The following SORL1 variants were observed in gnomAD, a reference collection of about 807,000 sequenced individuals.
The protein encoded by SORL1 is sortilin related receptor 1.
Under a neutral mutation model 273.7 loss-of-function variants are expected in SORL1, and 127 were observed. That is an observed-to-expected ratio of 0.46 (90% CI 0.40 to 0.54). The LOEUF is 0.54. Among genes scored for constraint, SORL1 ranks in the 20% least tolerant of loss-of-function variants. SORL1 has a pLI of 0.00. For missense variants in SORL1, 2,494 were observed against 2,846.1 expected, an observed-to-expected ratio of 0.88 and a Z score of 2.81; for synonymous variants, 1,031 against 1,067.4, an observed-to-expected ratio of 0.97 and a Z score of 0.66.
At position 121,568,650 on chromosome 11, in the gene SORL1, A is replaced by G. The variant is rs374787288; in HGVS notation, c.3224-1507A>G. On this transcript the variant is annotated intron_variant, in intron 22 of 47. Coordinates refer to ENST00000260197, the MANE Select transcript of SORL1 (RefSeq NM_003105.6). Reference sequence around the variant, plus strand: ...TATATATAACTATGTATATAAAAACATACCTATAGATATATTGAATCTGTA... The same window carrying G: ...TATATATAACTATGTATATAAAAACGTACCTATAGATATATTGAATCTGTA... Among the ~76,000 whole-genome samples, 12 of 152,370 alleles carry G rather than the reference A, an allele frequency of 7.9e-5. No individual in the cohort carries two copies. In the South Asian group the frequency reaches 1.2e-3, roughly 16 times the overall value.
Position 121,606,919 on chromosome 11 carries a change from C to T in SORL1, c.5023C>T (p.Pro1675Ser), listed in dbSNP as rs200758028. The change falls in exon 36 of 48, where the codon CCT (proline) becomes TCT (serine). Residue 1675 changes from proline (P) to serine (S), a missense_variant. Pro to Ser is a moderately conservative substitution (Grantham distance 74, BLOSUM62 -1). Around this residue, in one of 3 missense-constraint regions of SORL1, gnomAD observed 1,609 missense variants for 1,816.4 expected, o/e 0.89. Transcript: ENST00000260197. The part of the protein sequence containing the change: ...AEGVIVGHWA[P>S]PIHTHGLIRE... ...AGGTGTGATTGTAGGCCACTGGGCTCCTCCCATCCACACCCATGGCCTCAT... is the reference window on the plus strand; with the variant it reads ...AGGTGTGATTGTAGGCCACTGGGCTTCTCCCATCCACACCCATGGCCTCAT... 251 of 1,614,074 alleles carry T rather than the reference C, an allele frequency of 1.6e-4. No individual in the cohort carries two copies. Among genetic ancestry groups the T allele is most frequent in the Non-Finnish European group, 2.0e-4 (237 of 1,179,942 alleles).
intron 21 of SORL1, among the ~76,000 whole-genome samples, chr11:121,562,543 C>T (rs1445604654): frequency 6.6e-6 from 1 of 152,232 alleles, no homozygotes; most frequent in Non-Finnish European, 1.5e-5. Context: ...CTTTGTCCAG[C>T]GTCTCATGCT....
chr11:121,507,001 A>G (rs537409708), intron 6 of SORL1, among the ~76,000 whole-genome samples: 2 of 152,200 alleles, frequency 1.3e-5, no homozygotes, highest in African/African-American at 2.4e-5. Flanking sequence ...TTTGGGGATT[A>G]CAATAAATAT....
intron 1 of SORL1, among the ~76,000 whole-genome samples, chr11:121,465,938 AC>A (rs947734846): frequency 2.0e-5 from 3 of 150,318 alleles, no homozygotes; most frequent in African/African-American, 7.4e-5. Context: ...GGGGCATGGG[AC>A]CCCCCTAGGC....
At chr11:121,598,934 T>A (rs1386704184) in intron 32 of SORL1, among the ~76,000 whole-genome samples, 1 of 152,242 alleles carries the variant, frequency 6.6e-6, no homozygotes, top group East Asian at 1.9e-4. Context: ...AGGAATTGGA[T>A]AAGTTGCTAC....
Position 121,604,215 on chromosome 11 carries a change from C to CATGA in SORL1, c.4543_4546dup (p.Ser1516AsnfsTer32). 1 of 1,614,164 alleles carries CATGA rather than the reference C, an allele frequency of 6.2e-7. No individual in the cohort carries two copies. Among genetic ancestry groups the CATGA allele is most frequent in the Non-Finnish European group, 8.5e-7 (1 of 1,180,030 alleles). On this transcript the variant is annotated frameshift_variant, in exon 33 of 48. Coordinates refer to ENST00000260197, the MANE Select transcript of SORL1 (RefSeq NM_003105.6). LOFTEE classifies it high-confidence loss of function. ...CAGCCACACACAGCACCTTGACTTG[C>CATGA]ATGAGCAGGGAGTTCCAGTGCGAGG...
chr11:121,481,176 T>C (rs1591556671), intron 3 of SORL1, among the ~76,000 whole-genome samples: 1 of 120,828 alleles, frequency 8.3e-6, no homozygotes, highest in South Asian at 2.8e-4. Flanking sequence ...CAGATACCTA[T>C]AGGCAGGCTC....
intron 1 of SORL1, among the ~76,000 whole-genome samples, chr11:121,459,755 C>T (rs952772204): frequency 2.0e-5 from 3 of 152,224 alleles, no homozygotes; most frequent in Admixed American, 1.3e-4. Flanking sequence ...CCCTGCCCTG[C>T]CCTTTGCTTC....
intron 27 of SORL1, among the ~76,000 whole-genome samples, chr11:121,586,844 C>A (rs1030795348): frequency 1.3e-5 from 2 of 152,028 alleles, no homozygotes; most frequent in Non-Finnish European, 2.9e-5. Flanking sequence ...CCACCTGGTG[C>A]CTGGACCTTA....
At chr11:121,599,452 G>C (rs1863352758) in intron 32 of SORL1, among the ~76,000 whole-genome samples, 1 of 152,214 alleles carries the variant, frequency 6.6e-6, no homozygotes, top group Non-Finnish European at 1.5e-5. Flanking sequence ...GCTGAGGCAG[G>C]AGAATTGCTT....
chr11:121,595,653 A>G lies in SORL1; in HGVS notation c.4400A>G (p.Gln1467Arg). 1 of 1,611,382 alleles carries G rather than the reference A, an allele frequency of 6.2e-7. No homozygotes were observed. Among genetic ancestry groups the G allele is most frequent in the Non-Finnish European group, 8.5e-7 (1 of 1,178,758 alleles). ...ANVTAASTPT[Q>R]LGRCDRFEFE... is the part of the protein sequence containing the mutation. ...GTCACTGCTGCCTCCACTCCCACCC[A>G]ACTTGGGCGATGTGACCGATTTGAG... is the stretch of plus-strand genomic sequence containing the variant. Residue 1467 changes from glutamine to arginine, a missense_variant, in exon 32 of 48, where the codon CAA (glutamine) becomes CGA (arginine). By Grantham distance (43) the Gln-to-Arg change is conservative. This residue lies in a region of SORL1 where 1,609 missense variants were observed against 1,816.4 expected (regional missense o/e 0.89). Coordinates refer to ENST00000260197, the MANE Select transcript of SORL1 (RefSeq NM_003105.6). This position sits in a 1 kb window ranked among gnomAD's most constrained non-coding sequence, Gnocchi z 5.1.
At chr11:121,515,805 C>CAGGCCAGCCA (rs1565321349) in intron 8 of SORL1, among the ~76,000 whole-genome samples, 1 of 152,076 alleles carries the variant, frequency 6.6e-6, no homozygotes, top group South Asian at 2.1e-4. Context: ...GTGTGCACCA[C>CAGGCCAGCCA]CAGGCCAGGC....
chr11:121,632,330 T>G lies in SORL1; in HGVS notation c.*2767T>G, dbSNP rs373142747. 2.6e-5 allele frequency: 4 copies of G among 152,150 alleles called. No individual in the cohort carries two copies. Among genetic ancestry groups the G allele is most frequent in the Admixed American group, 6.5e-5 (1 of 15,282 alleles). The allele number at this position is 152,150 out of a possible 1,614,324, so 9.4% of individuals were successfully genotyped here. On this transcript the variant is annotated 3_prime_UTR_variant, in exon 48 of 48. Coordinates refer to ENST00000260197, the MANE Select transcript of SORL1 (RefSeq NM_003105.6). ...GATACGAGTCCACATGGATAAAATGTTAGAGAGTGGAGTTCTACAGAGGAT... is the reference window on the plus strand; with the variant it reads ...GATACGAGTCCACATGGATAAAATGGTAGAGAGTGGAGTTCTACAGAGGAT...
intron 25 of SORL1, among the ~76,000 whole-genome samples, chr11:121,578,304 T>C (rs567775871): frequency 7.5e-4 from 114 of 152,336 alleles, no homozygotes; most frequent in African/African-American, 2.6e-3. Context: ...TAATTCATTG[T>C]TGAGTCATCT....
At chr11:121,489,755 T>C (rs1368381035) in intron 4 of SORL1, among the ~76,000 whole-genome samples, 1 of 152,260 alleles carries the variant, frequency 6.6e-6, no homozygotes, top group Non-Finnish European at 1.5e-5. Context: ...TACCATTACC[T>C]AGAGGCTAGT....
At chr11:121,499,950 C>A (rs943950661) in intron 6 of SORL1, among the ~76,000 whole-genome samples, 1 of 152,234 alleles carries the variant, frequency 6.6e-6, no homozygotes, top group Admixed American at 6.5e-5. Context: ...AGCCCCCTGG[C>A]TTCTGGACTG....
rs1447726287 is a variant in SORL1, at chr11:121,619,680, G to GA, written c.5725-67dup. 9.4e-6 allele frequency: 11 copies of GA among 1,171,830 alleles called. No individual in the cohort carries two copies. The African/African-American group carries it at 1.7e-4, about 18-fold the overall frequency. The allele number at this position is 1,171,830 out of a possible 1,614,324, so 72.6% of individuals were successfully genotyped here. A position where few individuals can be genotyped will look rare whatever the true frequency, so the allele number is the denominator to read the frequency against. ...TTTTAATTGTTGTCATTATTTTGTT[G>GA]AAAAAATACTTTAATAAAGATTGCA... On this transcript the variant is annotated intron_variant, in intron 42 of 47. Coordinates refer to ENST00000260197, the MANE Select transcript of SORL1 (RefSeq NM_003105.6).
intron 23 of SORL1, among the ~76,000 whole-genome samples, chr11:121,573,247 G>A (rs1235730977): frequency 6.6e-6 from 1 of 152,114 alleles, no homozygotes; most frequent in Non-Finnish European, 1.5e-5. Flanking sequence ...TTGTTCCCTG[G>A]TTTATCTTCA....
At chr11:121,609,101 C>T (rs1479897400) in intron 38 of SORL1, 1 of 152,238 alleles carries the variant, frequency 6.6e-6, no homozygotes, top group African/African-American at 2.4e-5. Context: ...AGTGGTTTTC[C>T]TGACCTTAGC....
Sources: gnomAD v4.1 joint callset for allele counts (sites outside exome capture counted in the v4.1 genomes callset) on GRCh38, gnomAD v4.1.1 for gene constraint, gnomAD v4.1.1 regional missense constraint, Gnocchi (gnomAD v3.1) non-coding constraint, MANE v1.5 for transcripts, NCBI Gene and HGNC (gene_info 2026-07-23, HGNC 2026-07-21) for gene names.